RHOU: variants seen among roughly 807,000 people sequenced by gnomAD.
The protein encoded by RHOU is rho-related GTP-binding protein RhoU.
Under a neutral mutation model 12.6 loss-of-function variants are expected in RHOU, and 8 were observed. The ratio of observed to expected loss-of-function variants is 0.64; its 90% CI spans 0.37 to 1.15. The LOEUF is 1.15. RHOU is among the 50% of genes most tolerant of loss of function. The pLI, the probability that RHOU is intolerant of heterozygous loss-of-function variation, is 0.01. For missense variants in RHOU, 258 were observed against 347.0 expected, an observed-to-expected ratio of 0.74 and a Z score of 2.04; for synonymous variants, 161 against 147.4, an observed-to-expected ratio of 1.09 and a Z score of -0.67.
At chr1:228,684,705 G>A in the RHOU span, among the ~76,000 whole-genome samples, 1 of 152,086 alleles carries the variant, frequency 6.6e-6, no homozygotes, top group Non-Finnish European at 1.5e-5. Flanking sequence ...ACCCCCATAA[G>A]GCAGGAAAAA....
chr1:228,687,405 C>T, the RHOU span: 5 of 1,082,888 alleles, frequency 4.6e-6, no homozygotes, highest in Non-Finnish European at 5.6e-6. Context: ...GAAACCCCAA[C>T]ATGCATGCAC....
chr1:228,677,946 C>A, the RHOU span, among the ~76,000 whole-genome samples: 4 of 152,094 alleles, frequency 2.6e-5, no homozygotes, highest in African/African-American at 7.2e-5. Flanking sequence ...ACTGTGGTGG[C>A]CTTCTCAGAC....
At position 228,743,072 on chromosome 1, in the gene RHOU, T is replaced by G. The variant is rs1171193951; in HGVS notation, c.322-213T>G. Among the ~76,000 whole-genome samples the G allele has an allele frequency of 1.3e-5, 2 of 152,190 alleles. No homozygotes were observed. Among genetic ancestry groups the G allele is most frequent in the African/African-American group, 4.8e-5 (2 of 41,440 alleles). ...TGTTTGGCAGTGTTCAGACCATAGC[T>G]GGCCCTGAAAGCAGATGGCTGCCAC... On this transcript the variant is annotated intron_variant, in intron 2 of 2. Transcript: ENST00000366691. The surrounding 1 kb of genome is among the most constrained non-coding windows in gnomAD (Gnocchi z 5.1).
the RHOU span, among the ~76,000 whole-genome samples, chr1:228,660,259 C>G: frequency 6.6e-6 from 1 of 151,168 alleles, no homozygotes; most frequent in Non-Finnish European, 1.5e-5. Flanking sequence ...ATGAACCCTA[C>G]CAAGACTGAA....
the RHOU span, among the ~76,000 whole-genome samples, chr1:228,686,749 A>AT: frequency 5.9e-5 from 9 of 151,634 alleles, no homozygotes; most frequent in Non-Finnish European, 8.8e-5. Flanking sequence ...GCAAGGGAGA[A>AT]TTTTTTTTTG....
the RHOU span, among the ~76,000 whole-genome samples, chr1:228,697,461 T>G: frequency 1.3e-5 from 2 of 152,214 alleles, no homozygotes; most frequent in Middle Eastern, 3.2e-3. Context: ...GCTTGCTTGG[T>G]TGACCAATAG....
chr1:228,702,838 G>T, the RHOU span, among the ~76,000 whole-genome samples: 10 of 152,136 alleles, frequency 6.6e-5, no homozygotes, highest in Non-Finnish European at 1.2e-4. Flanking sequence ...CTTCCATGAA[G>T]AATTCTCATT....
chr1:228,702,114 A>C, the RHOU span, among the ~76,000 whole-genome samples: 2 of 152,336 alleles, frequency 1.3e-5, no homozygotes, highest in South Asian at 4.1e-4. Flanking sequence ...ATTTATGTTT[A>C]ATAATTAATG....
At chr1:228,653,608 T>G in the RHOU span, among the ~76,000 whole-genome samples, 5 of 152,090 alleles carry the variant, frequency 3.3e-5, no homozygotes, top group Non-Finnish European at 5.9e-5. Flanking sequence ...CATGAGCCAC[T>G]GCGCCCAGCC....
At chr1:228,665,409 G>A in the RHOU span, among the ~76,000 whole-genome samples, 1 of 152,214 alleles carries the variant, frequency 6.6e-6, no homozygotes, top group South Asian at 2.1e-4. Flanking sequence ...GCAGCACTAG[G>A]GTGAAGGCAG....
At chr1:228,736,509 G>A (rs1286535554) in intron 1 of RHOU, among the ~76,000 whole-genome samples, 2 of 152,050 alleles carry the variant, frequency 1.3e-5, no homozygotes, top group Admixed American at 6.6e-5. Context: ...CGGAGACGCC[G>A]GGAAAACACT....
Position 228,743,511 on chromosome 1 carries a change from T to C in RHOU, c.548T>C (p.Val183Ala). ...IELDKCKEKP[V>A]PEEAAKLCAE... ...TTGGACAAATGCAAAGAAAAGCCAG[T>C]GCCTGAAGAGGCGGCTAAGCTGTGC... The change falls in exon 3 of 3, where the codon GTG becomes GCG. Residue 183 changes from valine (V) to alanine (A), a missense_variant. By Grantham distance (64) the Val-to-Ala change is moderately conservative. Transcript: ENST00000366691. This position sits in a 1 kb window ranked among gnomAD's most constrained non-coding sequence, Gnocchi z 5.1. The C allele has an allele frequency of 6.2e-7, 1 of 1,614,186 alleles. No homozygotes were observed. Among genetic ancestry groups the C allele is most frequent in the East Asian group, 2.2e-5 (1 of 44,888 alleles).
the RHOU span, among the ~76,000 whole-genome samples, chr1:228,716,449 A>C: frequency 6.6e-6 from 1 of 152,198 alleles, no homozygotes; most frequent in Non-Finnish European, 1.5e-5. Flanking sequence ...AGTACTGAGG[A>C]AGAAGTTGTG....
chr1:228,701,004 G>T, the RHOU span, among the ~76,000 whole-genome samples: 10 of 152,094 alleles, frequency 6.6e-5, no homozygotes, highest in Admixed American at 6.5e-4. Flanking sequence ...TAGGAGGATT[G>T]CATGAGTCTG....
the RHOU span, among the ~76,000 whole-genome samples, chr1:228,680,440 G>A: frequency 1.3e-5 from 2 of 152,192 alleles, no homozygotes; most frequent in Admixed American, 1.3e-4. Context: ...GCCTCTGGGA[G>A]CTGTGGCTTG....
the RHOU span, among the ~76,000 whole-genome samples, chr1:228,676,764 C>T: frequency 6.6e-6 from 1 of 152,004 alleles, no homozygotes; most frequent in Non-Finnish European, 1.5e-5. Context: ...TCACAAAGTA[C>T]ATTCTCAAGG....
At chr1:228,712,418 C>G in the RHOU span, among the ~76,000 whole-genome samples, 4 of 151,732 alleles carry the variant, frequency 2.6e-5, no homozygotes, top group African/African-American at 9.7e-5. Flanking sequence ...CCCACACGTC[C>G]AACAATGATA....
Position 228,745,380 on chromosome 1 carries a change from G to C in RHOU, c.*1640G>C, listed in dbSNP as rs536842232. 2 of 152,266 alleles carry C rather than the reference G, an allele frequency of 1.3e-5. No homozygotes were observed. The highest frequency in any genetic ancestry group is 3.9e-4 in the East Asian group (2 of 5,190). The allele number at this position is 152,266 out of a possible 1,614,324, so 9.4% of individuals were successfully genotyped here. ...AATCTGTAAAGCCAGTTAGATAGAAGAATTTTATTTTTCTGTGGGTTTTGT... is the reference window on the plus strand; with the variant it reads ...AATCTGTAAAGCCAGTTAGATAGAACAATTTTATTTTTCTGTGGGTTTTGT... On this transcript the variant is annotated 3_prime_UTR_variant, in exon 3 of 3. Coordinates refer to ENST00000366691, the MANE Select transcript of RHOU (RefSeq NM_021205.6).
At chr1:228,679,921 A>T in the RHOU span, among the ~76,000 whole-genome samples, 1 of 152,126 alleles carries the variant, frequency 6.6e-6, no homozygotes, top group Non-Finnish European at 1.5e-5. Context: ...CATGTAATTT[A>T]GTTAAAATGT....
Sources: allele counts gnomAD v4.1 joint callset (sites outside exome capture counted in the v4.1 genomes callset), GRCh38; gene constraint gnomAD v4.1.1; non-coding constraint Gnocchi (gnomAD v3.1); transcripts MANE v1.5; gene names NCBI Gene and HGNC (gene_info 2026-07-23, HGNC 2026-07-21).